GPR39: variants seen among roughly 807,000 people sequenced by gnomAD.
GPR39 encodes G protein-coupled receptor 39.
A neutral mutation model predicts 18.4 loss-of-function variants in GPR39; 23 were observed. That is an observed-to-expected ratio of 1.25 (90% CI 0.90 to 1.77). The LOEUF is 1.77. GPR39 is among the 40% of genes most tolerant of loss of function. The probability of loss-of-function intolerance (pLI) is 0.00; values close to 1 mark genes in which losing one functional copy is unlikely to be tolerated. For missense variants in GPR39, 647 were observed against 602.4 expected, an observed-to-expected ratio of 1.07 and a Z score of -0.78; for synonymous variants, 280 against 257.9, an observed-to-expected ratio of 1.09 and a Z score of -0.82.
chr2:132,509,925 G>C (rs909751499), intron 1 of GPR39, among the ~76,000 whole-genome samples: 2 of 152,192 alleles, frequency 1.3e-5, no homozygotes, highest in Non-Finnish European at 2.9e-5. Context: ...ACTGTGTATG[G>C]CTGGTAGGAG....
At chr2:132,627,157 G>A (rs564205349) in intron 1 of GPR39, among the ~76,000 whole-genome samples, 3 of 152,196 alleles carry the variant, frequency 2.0e-5, no homozygotes, top group South Asian at 2.1e-4. Context: ...TGTTCATCAC[G>A]GAGGGGACTG....
intron 1 of GPR39, among the ~76,000 whole-genome samples, chr2:132,435,414 A>G (rs1215506890): frequency 6.6e-6 from 1 of 152,236 alleles, no homozygotes. Context: ...ATTGTCTAAT[A>G]ACTTTCTCTT....
intron 1 of GPR39, among the ~76,000 whole-genome samples, chr2:132,469,162 C>T (rs1680984862): frequency 6.6e-6 from 1 of 152,196 alleles, no homozygotes; most frequent in Non-Finnish European, 1.5e-5. Context: ...CCTCCTCTTG[C>T]CCTCTGAGTG....
chr2:132,469,621 G>A (rs979160669), intron 1 of GPR39, among the ~76,000 whole-genome samples: 9 of 152,282 alleles, frequency 5.9e-5, no homozygotes, highest in Admixed American at 5.9e-4. Flanking sequence ...AGAGGTAGTC[G>A]TATAACTAAT....
chr2:132,454,580 C>G lies in GPR39; in HGVS notation c.856+36682C>G, dbSNP rs565137245. 4.6e-5 allele frequency among the ~76,000 whole-genome samples: 7 copies of G among 152,224 alleles called. No homozygotes were observed. In the South Asian group the frequency reaches 1.5e-3, roughly 32 times the overall value. On this transcript the variant is annotated intron_variant, in intron 1 of 1. Transcript: ENST00000329321. ...GTGCCAGTTTTCAAAGGGAATACTT[C>G]CAGTTTTTACCCATTCAGTATGATA...
chr2:132,493,049 T>TAC (rs1215387429), intron 1 of GPR39, among the ~76,000 whole-genome samples: 1,147 of 107,282 alleles, frequency 0.011, 16 homozygotes, highest in African/African-American at 0.033. Context: ...ATACCATATA[T>TAC]ACCATATATA....
At chr2:132,420,664 CAATT>C (rs142298874) in intron 1 of GPR39, among the ~76,000 whole-genome samples, 16,561 of 152,146 alleles carry the variant, frequency 0.11, 914 homozygotes, top group South Asian at 0.2. Context: ...ATAAAGAAAA[CAATT>C]AAGATTGTTC....
intron 1 of GPR39, among the ~76,000 whole-genome samples, chr2:132,534,104 GC>G (rs1253151838): frequency 5.3e-5 from 8 of 152,120 alleles, no homozygotes; most frequent in Non-Finnish European, 1.0e-4. Flanking sequence ...CTGACAAAGG[GC>G]TAATATGCAG....
intron 1 of GPR39, among the ~76,000 whole-genome samples, chr2:132,586,026 A>G (rs1478349109): frequency 7.5e-6 from 1 of 133,250 alleles, no homozygotes; most frequent in Non-Finnish European, 1.5e-5. Flanking sequence ...TAACACTCCC[A>G]TTTGTGGCGT....
intron 1 of GPR39, among the ~76,000 whole-genome samples, chr2:132,496,177 G>A (rs901845779): frequency 2.0e-5 from 3 of 152,148 alleles, no homozygotes; most frequent in Non-Finnish European, 2.9e-5. Flanking sequence ...TGCAGATGGT[G>A]TACAAAGTCC....
intron 1 of GPR39, among the ~76,000 whole-genome samples, chr2:132,524,955 C>CT (rs1679483733): frequency 6.6e-6 from 1 of 152,176 alleles, no homozygotes; most frequent in South Asian, 2.1e-4. Flanking sequence ...ATACTCAAGC[C>CT]TGACAGGACC....
At chr2:132,492,440 TACACCATATATAC>T (rs1446368430) in intron 1 of GPR39, among the ~76,000 whole-genome samples, 3 of 141,078 alleles carry the variant, frequency 2.1e-5, no homozygotes, top group East Asian at 2.2e-4. Context: ...ACCATATATA[TACACCATATATAC>T]ACACCATATA....
At chr2:132,475,750 C>T (rs969457163) in intron 1 of GPR39, among the ~76,000 whole-genome samples, 1 of 152,204 alleles carries the variant, frequency 6.6e-6, no homozygotes, top group African/African-American at 2.4e-5. Flanking sequence ...AGACAAGAGT[C>T]TCTTTTTCTA....
chr2:132,500,748 G>A (rs4481050), intron 1 of GPR39, among the ~76,000 whole-genome samples: 87,684 of 151,770 alleles, frequency 0.58, 25,914 homozygotes, highest in Non-Finnish European at 0.64. Flanking sequence ...AACCCTTTCA[G>A]TCTCACTGCT....
At chr2:132,590,532 T>A (rs1000401829) in intron 1 of GPR39, among the ~76,000 whole-genome samples, 2 of 151,932 alleles carry the variant, frequency 1.3e-5, no homozygotes, top group Non-Finnish European at 2.9e-5. Flanking sequence ...GGCTTACTAG[T>A]ATTTGATTCA....
intron 1 of GPR39, among the ~76,000 whole-genome samples, chr2:132,519,283 G>GTTT (rs1252303532): frequency 9.2e-6 from 1 of 109,256 alleles, no homozygotes; most frequent in East Asian, 2.1e-4. Flanking sequence ...AAAGAAGGTT[G>GTTT]TTTATTATTA....
At chr2:132,581,516 C>G (rs561640773) in intron 1 of GPR39, among the ~76,000 whole-genome samples, 2 of 152,240 alleles carry the variant, frequency 1.3e-5, no homozygotes, top group African/African-American at 4.8e-5. Flanking sequence ...CATGTCCCTT[C>G]CCTACATTTC....
rs777339841 is a variant in GPR39 at position 132,645,103 on chromosome 2, C to CTGAT, written c.862_865dup (p.Val289AspfsTer119). Reference sequence around the variant, plus strand: ...CCCTCCTGCTCGTGTCTGCCCAGGGCTGATTGTTGTGACATTGGCCGTATG... The same window carrying CTGAT: ...CCCTCCTGCTCGTGTCTGCCCAGGGCTGATTGATTGTTGTGACATTGGCCGTATG... On this transcript the variant is annotated frameshift_variant, in exon 2 of 2. Coordinates refer to ENST00000329321, the MANE Select transcript of GPR39 (RefSeq NM_001508.3). LOFTEE classifies it low-confidence loss of function (END_TRUNC). 9 of 1,611,156 alleles carry CTGAT rather than the reference C, an allele frequency of 5.6e-6. No individual in the cohort carries two copies. Among genetic ancestry groups the CTGAT allele is most frequent in the Non-Finnish European group, 7.6e-6 (9 of 1,178,346 alleles).
chr2:132,512,730 C>T (rs920463308), intron 1 of GPR39, among the ~76,000 whole-genome samples: 2 of 152,182 alleles, frequency 1.3e-5, no homozygotes, highest in South Asian at 2.1e-4. Flanking sequence ...TTACACAGAG[C>T]GCAGTCATAC....
Sources: gnomAD v4.1 joint callset for allele counts (sites outside exome capture counted in the v4.1 genomes callset) on GRCh38, gnomAD v4.1.1 for gene constraint, MANE v1.5 for transcripts, NCBI Gene and HGNC (gene_info 2026-07-23, HGNC 2026-07-21) for gene names.